The following ITFG1 variants were observed in gnomAD, a reference collection of about 807,000 sequenced individuals.
ITFG1 encodes integrin alpha FG-GAP repeat containing 1.
In ITFG1, 34 loss-of-function variants were observed where a neutral mutation model predicts 81.8. The ratio of observed to expected loss-of-function variants is 0.42; its 90% CI spans 0.32 to 0.55. ITFG1 has a LOEUF of 0.55. Among genes scored for constraint, ITFG1 ranks in the 20% least tolerant of loss-of-function variants. ITFG1 has a pLI of 0.17. For synonymous variants in ITFG1, 285 were observed against 270.6 expected (o/e 1.05, Z -0.52); for missense variants, 672 against 755.4 (o/e 0.89, Z 1.29).
chr16:47,293,952 A>G (rs866645517), intron 10 of ITFG1, among the ~76,000 whole-genome samples: 5 of 152,120 alleles, frequency 3.3e-5, no homozygotes, highest in African/African-American at 9.6e-5. Context: ...GGTGGCCAGA[A>G]GAGTTTTCTT....
intron 14 of ITFG1, among the ~76,000 whole-genome samples, chr16:47,212,211 T>G (rs1049199948): frequency 2.0e-5 from 3 of 152,080 alleles, no homozygotes; most frequent in African/African-American, 7.2e-5. Context: ...GAATTTGAAG[T>G]TAACTCTATT....
chr16:47,461,194 C>A, upstream of ITFG1: 1 of 966,176 alleles, frequency 1.0e-6, no homozygotes, highest in Non-Finnish European at 1.5e-6. Context: ...CTAGGGCTGC[C>A]CTTCCGACGC....
At chr16:47,354,004 C>T (rs889231232) in intron 8 of ITFG1, among the ~76,000 whole-genome samples, 2 of 152,072 alleles carry the variant, frequency 1.3e-5, no homozygotes, top group African/African-American at 4.8e-5. Context: ...TCACTGCAAT[C>T]CCTATCAAAA....
At chr16:47,340,065 A>C (rs899924747) in intron 8 of ITFG1, among the ~76,000 whole-genome samples, 1 of 152,098 alleles carries the variant, frequency 6.6e-6, no homozygotes, top group Non-Finnish European at 1.5e-5. Flanking sequence ...TATTTAAAAC[A>C]CTCAAAGAAA....
At chr16:47,281,774 T>G (rs930309419) in intron 10 of ITFG1, among the ~76,000 whole-genome samples, 7 of 152,136 alleles carry the variant, frequency 4.6e-5, no homozygotes, top group Non-Finnish European at 8.8e-5. Context: ...TCTTTTTTTT[T>G]GTCAGTCTTG....
At chr16:47,156,513 G>A (rs1244080279) in intron 17 of ITFG1, among the ~76,000 whole-genome samples, 1 of 151,956 alleles carries the variant, frequency 6.6e-6, no homozygotes, top group African/African-American at 2.4e-5. Flanking sequence ...TACCAATACT[G>A]TGTTTGCTAT....
chr16:47,306,046 G>C (rs1239691634), intron 10 of ITFG1, among the ~76,000 whole-genome samples: 1 of 152,150 alleles, frequency 6.6e-6, no homozygotes, highest in Admixed American at 6.5e-5. Flanking sequence ...TCGGGAGAGA[G>C]AGAACTAGAA....
chr16:47,226,706 G>A (rs371096687), intron 13 of ITFG1, among the ~76,000 whole-genome samples: 79 of 151,886 alleles, frequency 5.2e-4, no homozygotes, highest in African/African-American at 1.8e-3. Context: ...AGTTATGTGA[G>A]GCTGAATTTT....
At chr16:47,433,026 C>T (rs150079285) in intron 5 of ITFG1, among the ~76,000 whole-genome samples, 10 of 152,312 alleles carry the variant, frequency 6.6e-5, no homozygotes, top group Non-Finnish European at 1.3e-4. Context: ...AGGTTGATCA[C>T]GTGGCTCTGT....
At chr16:47,329,898 G>C (rs1449226918) in intron 8 of ITFG1, among the ~76,000 whole-genome samples, 1 of 152,066 alleles carries the variant, frequency 6.6e-6, no homozygotes, top group African/African-American at 2.4e-5. Context: ...TAAATATGTG[G>C]TAGTAATTGT....
intron 8 of ITFG1, among the ~76,000 whole-genome samples, chr16:47,364,279 T>A (rs1968147766): frequency 6.6e-6 from 1 of 152,232 alleles, no homozygotes; most frequent in Admixed American, 6.5e-5. Flanking sequence ...AATTTGACTG[T>A]GTCTTATAAT....
intron 12 of ITFG1, 83 bp downstream of exon 12, chr16:47,258,549 T>A: frequency 1.4e-6 from 1 of 694,566 alleles, no homozygotes; most frequent in East Asian, 2.8e-5. Flanking sequence ...GGGTTGTACA[T>A]CGGAGCATGT....
intron 10 of ITFG1, among the ~76,000 whole-genome samples, chr16:47,306,865 C>T (rs1411764691): frequency 2.6e-5 from 4 of 151,706 alleles, no homozygotes; most frequent in East Asian, 1.9e-4. Context: ...GAGGCCTAGG[C>T]GGGTGGATCA....
chr16:47,345,396 G>A (rs977431193), intron 8 of ITFG1, among the ~76,000 whole-genome samples: 6 of 151,962 alleles, frequency 3.9e-5, no homozygotes, highest in African/African-American at 1.5e-4. Flanking sequence ...TGCCTCCTGG[G>A]TTCAAGCAAC....
At chr16:47,429,483 A>G (rs1969066147) in intron 5 of ITFG1, among the ~76,000 whole-genome samples, 1 of 152,180 alleles carries the variant, frequency 6.6e-6, no homozygotes. Context: ...ATAGAGGAAT[A>G]TATGTTTAAC....
chr16:47,163,166 C>T (rs1415824358), intron 14 of ITFG1, among the ~76,000 whole-genome samples: 1 of 152,142 alleles, frequency 6.6e-6, no homozygotes, highest in Admixed American at 6.5e-5. Context: ...ACACATCACC[C>T]GTTTAAAGTG....
intron 10 of ITFG1, among the ~76,000 whole-genome samples, chr16:47,291,655 T>C (rs72800639): frequency 5.9e-5 from 9 of 152,340 alleles, no homozygotes; most frequent in Non-Finnish European, 1.2e-4. Context: ...TTTCTTTTTA[T>C]CTCTGTCTGG....
intron 5 of ITFG1, among the ~76,000 whole-genome samples, chr16:47,445,510 T>G (rs1006198439): frequency 6.6e-6 from 1 of 152,178 alleles, no homozygotes; most frequent in Non-Finnish European, 1.5e-5. Context: ...TCTTTACTTA[T>G]GATAAAGTAA....
At chr16:47,334,405 G>T (rs191372809) in intron 8 of ITFG1, among the ~76,000 whole-genome samples, 10 of 152,252 alleles carry the variant, frequency 6.6e-5, no homozygotes, top group Admixed American at 1.3e-4. Flanking sequence ...TCCAAACTGG[G>T]TGACAGAGTG....
Sources: gnomAD v4.1 joint callset for allele counts (sites outside exome capture counted in the v4.1 genomes callset) on GRCh38, gnomAD v4.1.1 for gene constraint, MANE v1.5 for transcripts, NCBI Gene and HGNC (gene_info 2026-07-23, HGNC 2026-07-21) for gene names.